The following HNF4G variants were observed in gnomAD, a reference collection of about 807,000 sequenced individuals.
The protein encoded by HNF4G is hepatocyte nuclear factor 4-gamma.
A neutral mutation model predicts 50.9 loss-of-function variants in HNF4G; 21 were observed. The ratio of observed to expected loss-of-function variants is 0.41; its 90% confidence interval spans 0.29 to 0.59. The LOEUF (loss-of-function observed/expected upper bound fraction) is 0.59. Among genes scored for constraint, HNF4G ranks in the 20% least tolerant of loss-of-function variants. HNF4G has a pLI of 0.26. For missense variants in HNF4G, 527 were observed against 559.4 expected (o/e 0.94, Z 0.58); for synonymous variants, 198 against 185.6 (o/e 1.07, Z -0.54).
intron 5 of HNF4G, among the ~76,000 whole-genome samples, chr8:75,554,544 T>A (rs1807059082): frequency 6.6e-6 from 1 of 152,162 alleles, no homozygotes; most frequent in African/African-American, 2.4e-5. Context: ...TGACAGGTGT[T>A]ATTATCTCCA....
chr8:75,528,020 A>G (rs748343061), intron 2 of HNF4G, among the ~76,000 whole-genome samples: 29 of 152,218 alleles, frequency 1.9e-4, no homozygotes, highest in Non-Finnish European at 3.5e-4. Flanking sequence ...CCTGATGGCA[A>G]TACCTTTATC....
At chr8:75,457,837 A>G (rs1750522413) in intron 1 of HNF4G, among the ~76,000 whole-genome samples, 1 of 152,090 alleles carries the variant, frequency 6.6e-6, no homozygotes, top group Non-Finnish European at 1.5e-5. Context: ...ATGTATGTTA[A>G]TTACATATAA....
At chr8:75,449,509 C>CTTTTT (rs71271864) in intron 1 of HNF4G, among the ~76,000 whole-genome samples, 3 of 129,330 alleles carry the variant, frequency 2.3e-5, no homozygotes, top group Non-Finnish European at 3.2e-5. Flanking sequence ...ATATTTTTTT[C>CTTTTT]TTTTTTTTTT....
At chr8:75,513,947 CA>C (rs936201555) in intron 2 of HNF4G, among the ~76,000 whole-genome samples, 1 of 151,690 alleles carries the variant, frequency 6.6e-6, no homozygotes, top group Non-Finnish European at 1.5e-5. Flanking sequence ...GAATCATTGA[CA>C]AAAAAACATT....
intron 1 of HNF4G, among the ~76,000 whole-genome samples, chr8:75,422,752 G>C (rs1429665682): frequency 6.6e-6 from 1 of 151,802 alleles, no homozygotes; most frequent in Non-Finnish European, 1.5e-5. Flanking sequence ...TCCTGACTCA[G>C]CCTCCTGAGT....
intron 1 of HNF4G, among the ~76,000 whole-genome samples, chr8:75,540,838 T>C (rs1255714437): frequency 1.4e-5 from 2 of 140,028 alleles, no homozygotes; most frequent in African/African-American, 2.8e-5. Context: ...TATGTATACT[T>C]TGGAAAATGT....
At chr8:75,433,884 T>G (rs116891353) in intron 1 of HNF4G, among the ~76,000 whole-genome samples, 3 of 152,132 alleles carry the variant, frequency 2.0e-5, no homozygotes, top group Non-Finnish European at 4.4e-5. Flanking sequence ...AAAAGACTAA[T>G]GTCATGTAAC....
chr8:75,563,857 T>C, intron 9 of HNF4G, 118 bp from the exon 10 acceptor site: 2 of 1,107,798 alleles, frequency 1.8e-6, no homozygotes, highest in Non-Finnish European at 2.6e-6. Flanking sequence ...CTATTCTGTG[T>C]AGGATATTTT....
chr8:75,420,746 G>A (rs1810756518), intron 1 of HNF4G, among the ~76,000 whole-genome samples: 1 of 152,206 alleles, frequency 6.6e-6, no homozygotes, highest in African/African-American at 2.4e-5. Context: ...TGACTGGGAG[G>A]TCTCAGCAGC....
intron 1 of HNF4G, among the ~76,000 whole-genome samples, chr8:75,450,938 G>C (rs988414103): frequency 1.8e-4 from 28 of 152,090 alleles, no homozygotes; most frequent in African/African-American, 6.3e-4. Flanking sequence ...TCCGCCATGG[G>C]ATGATGCAGC....
chr8:75,429,690 G>T (rs1346714031), intron 1 of HNF4G, among the ~76,000 whole-genome samples: 1 of 152,126 alleles, frequency 6.6e-6, no homozygotes, highest in East Asian at 1.9e-4. Context: ...TCTGTGTTTT[G>T]TTCCTTTTAA....
chr8:75,544,436 G>A (rs1355617102), intron 2 of HNF4G, among the ~76,000 whole-genome samples: 4 of 152,006 alleles, frequency 2.6e-5, no homozygotes, highest in Non-Finnish European at 5.9e-5. Context: ...TATTTTTTAA[G>A]TGCCATTACA....
intron 1 of HNF4G, among the ~76,000 whole-genome samples, chr8:75,425,582 AATATTTATATATATT>A (rs1810873944): frequency 6.8e-6 from 1 of 147,764 alleles, no homozygotes; most frequent in Non-Finnish European, 1.5e-5. Flanking sequence ...TTATATATAT[AATATTTATATATATT>A]ATATATTTTT....
Position 75,553,103 on chromosome 8 carries a change from G to T in HNF4G, c.551G>T (p.Gly184Val). The change falls in exon 5 of 10, where the codon GGT (glycine) becomes GTT (valine). Residue 184 changes from glycine to valine, a missense_variant. Gly to Val is a moderately radical substitution (Grantham distance 109). Around this residue, in one of 5 missense-constraint regions of HNF4G, gnomAD observed 128 missense variants for 135.3 expected, o/e 0.95. Coordinates refer to ENST00000396423, the MANE Select transcript of HNF4G (RefSeq NM_004133.5). Reference protein sequence around the residue: ...DINVKKIASIGDVCESMKQQL... With the variant: ...DINVKKIASIVDVCESMKQQL... Reference sequence around the variant, plus strand: ...AACGTTAAGAAAATTGCAAGTATTGGTGATGTCTGTGAATCTATGAAACAG... The same window carrying T: ...AACGTTAAGAAAATTGCAAGTATTGTTGATGTCTGTGAATCTATGAAACAG... The T allele has an allele frequency of 1.2e-6, 2 of 1,612,474 alleles. No individual in the cohort carries two copies. Among genetic ancestry groups the T allele is most frequent in the Admixed American group, 3.3e-5 (2 of 59,910 alleles).
chr8:75,564,168 A>C lies in HNF4G; in HGVS notation c.*72A>C. 2 of 1,514,108 alleles carry C rather than the reference A, an allele frequency of 1.3e-6. No individual in the cohort carries two copies. Among genetic ancestry groups the C allele is most frequent in the Middle Eastern group, 1.7e-4 (1 of 5,728 alleles). The allele number at this position is 1,514,108 out of a possible 1,614,324, so 93.8% of individuals were successfully genotyped here. ...TGATCTTGAAATATCTCAGGATAGC[A>C]CTTTTGGCAAACTCTTAGCCAAGGC... On this transcript the variant is annotated 3_prime_UTR_variant, in exon 10 of 10. Coordinates refer to ENST00000396423, the MANE Select transcript of HNF4G (RefSeq NM_004133.5).
At chr8:75,513,241 T>C (rs1805805380) in intron 2 of HNF4G, among the ~76,000 whole-genome samples, 1 of 152,154 alleles carries the variant, frequency 6.6e-6, no homozygotes, top group Non-Finnish European at 1.5e-5. Context: ...TTTCACCACG[T>C]TGGCCAGGCT....
chr8:75,555,372 C>G (rs1406821571), intron 5 of HNF4G, among the ~76,000 whole-genome samples: 2 of 151,892 alleles, frequency 1.3e-5, no homozygotes, highest in African/African-American at 4.8e-5. Context: ...GTGGTGATGC[C>G]CAGCAGGTAA....
chr8:75,479,190 T>C (rs975473067), intron 1 of HNF4G, among the ~76,000 whole-genome samples: 1 of 152,150 alleles, frequency 6.6e-6, no homozygotes, highest in South Asian at 2.1e-4. Flanking sequence ...AGATTATATA[T>C]CCCTTAGCTT....
intron 1 of HNF4G, among the ~76,000 whole-genome samples, chr8:75,413,718 A>T (rs188935181): frequency 2.0e-5 from 3 of 152,114 alleles, no homozygotes; most frequent in East Asian, 1.9e-4. Flanking sequence ...GAGCATGGGC[A>T]TGGTGGCGGG....
Sources: gnomAD v4.1 joint callset for allele counts (sites outside exome capture counted in the v4.1 genomes callset) on GRCh38, gnomAD v4.1.1 for gene constraint, gnomAD v4.1.1 regional missense constraint, MANE v1.5 for transcripts, NCBI Gene and HGNC (gene_info 2026-07-23, HGNC 2026-07-21) for gene names.